DNAH7: variants seen among roughly 807,000 people sequenced by gnomAD.
DNAH7 encodes dynein axonemal heavy chain 7, also known as axonemal beta dynein heavy chain 7.
Under a neutral mutation model 444.6 loss-of-function variants are expected in DNAH7, and 397 were observed. That is an observed-to-expected ratio of 0.89 (90% confidence interval 0.82 to 0.97). The LOEUF (loss-of-function observed/expected upper bound fraction) is 0.97. DNAH7 is among the 50% of genes least tolerant of loss of function. DNAH7 has a pLI of 0.00. For synonymous variants in DNAH7, 1,636 were observed against 1,624.4 expected (o/e 1.01, Z -0.17); for missense variants, 4,902 against 4,800.8 (o/e 1.02, Z -0.62).
Position 195,864,713 on chromosome 2 carries a change from G to C in DNAH7, c.6942C>G (p.Val2314=), listed in dbSNP as rs747819335. The change falls in exon 41 of 65, where the codon GTC becomes GTG. Residue 2314 remains valine (V), a synonymous_variant. Transcript: ENST00000312428. The part of the protein sequence containing the change: ...NNISKKPMNL[V]LFRFAIEHIS... ...TGTGCTCTATGGCAAATCGAAACAA[G>C]ACAAGGTTCATGGGTTTTTTGCTTA... 3.1e-6 allele frequency: 5 copies of C among 1,614,066 alleles called. No homozygotes were observed. The highest frequency in any genetic ancestry group is 2.5e-6 in the Non-Finnish European group (3 of 1,180,032).
At chr2:195,762,313 G>C (rs1397464605) in intron 61 of DNAH7, among the ~76,000 whole-genome samples, 1 of 152,102 alleles carries the variant, frequency 6.6e-6, no homozygotes, top group East Asian at 1.9e-4. Flanking sequence ...TTCATTAAGA[G>C]GAGAGGAAGG....
chr2:195,995,512 T>A, intron 12 of DNAH7: 1 of 310,304 alleles, frequency 3.2e-6, no homozygotes, highest in Non-Finnish European at 6.4e-6. Flanking sequence ...TGTGAGCGCC[T>A]TTCCTAGCTC....
At chr2:195,873,746 TATTTTCTCA>T in intron 38 of DNAH7, 52 bp from the exon 39 acceptor site, 1 of 1,318,448 alleles carries the variant, frequency 7.6e-7, no homozygotes, top group Non-Finnish European at 1.0e-6. Context: ...TATACAAGAG[TATTTTCTCA>T]AATATTCTAT....
intron 45 of DNAH7, among the ~76,000 whole-genome samples, chr2:195,854,270 A>G (rs1699567462): frequency 6.6e-6 from 1 of 152,210 alleles, no homozygotes; most frequent in Non-Finnish European, 1.5e-5. Context: ...AGAAGATGAG[A>G]TTAAATAAAG....
At chr2:196,060,752 G>A (rs1698090530) in intron 1 of DNAH7, among the ~76,000 whole-genome samples, 1 of 152,078 alleles carries the variant, frequency 6.6e-6, no homozygotes, top group Admixed American at 6.6e-5. Context: ...CAAGAGCTCT[G>A]ATTACCTCCA....
chr2:195,995,375 G>T, intron 12 of DNAH7: 1 of 517,368 alleles, frequency 1.9e-6, no homozygotes, highest in South Asian at 1.4e-5. Flanking sequence ...ACTTCTTGGT[G>T]AGCACACCAA....
At chr2:196,014,211 A>G (rs985889650) in intron 9 of DNAH7, among the ~76,000 whole-genome samples, 3 of 152,198 alleles carry the variant, frequency 2.0e-5, no homozygotes, top group Non-Finnish European at 2.9e-5. Context: ...CAGTGAAACA[A>G]TAGTTTAAAT....
intron 40 of DNAH7, among the ~76,000 whole-genome samples, chr2:195,865,225 A>T (rs1016785631): frequency 1.3e-5 from 2 of 152,212 alleles, no homozygotes; most frequent in Non-Finnish European, 2.9e-5. Flanking sequence ...TAATAAGGTT[A>T]TAGTCAGTTA....
At chr2:196,050,333 A>G (rs1205546008) in intron 3 of DNAH7, among the ~76,000 whole-genome samples, 3 of 151,688 alleles carry the variant, frequency 2.0e-5, no homozygotes, top group Non-Finnish European at 2.9e-5. Flanking sequence ...GTTTGCCAGG[A>G]GGTGGGGGAG....
Position 195,888,358 on chromosome 2 carries a change from A to C in DNAH7, c.5306T>G (p.Leu1769Arg). Reference protein sequence around the residue: ...WRPLMLSWVNLLPASVSVIQK... With the variant: ...WRPLMLSWVNRLPASVSVIQK... Reference sequence around the variant, plus strand: ...AATAACACTGACTGACGCAGGTAACAGATTCACCCAGGACAACATCAGTGG... The same window carrying C: ...AATAACACTGACTGACGCAGGTAACCGATTCACCCAGGACAACATCAGTGG... The change falls in exon 33 of 65, where the codon CTG becomes CGG. Residue 1769 changes from leucine to arginine, a missense_variant. Leu to Arg is a moderately radical substitution (Grantham distance 102). Coordinates refer to ENST00000312428, the MANE Select transcript of DNAH7 (RefSeq NM_018897.3). The C allele has an allele frequency of 6.2e-7, 1 of 1,610,020 alleles. No individual in the cohort carries two copies. Among genetic ancestry groups the C allele is most frequent in the Non-Finnish European group, 8.5e-7 (1 of 1,178,770 alleles).
At chr2:195,873,524 T>G (rs1700840915) in intron 39 of DNAH7, 44 bp downstream of exon 39, 2 of 1,142,838 alleles carry the variant, frequency 1.8e-6, no homozygotes, top group Non-Finnish European at 1.2e-6. Flanking sequence ...TCTAAAATAT[T>G]TTATACCTCC....
intron 48 of DNAH7, among the ~76,000 whole-genome samples, chr2:195,831,179 TATG>T (rs1280188039): frequency 6.6e-6 from 1 of 152,230 alleles, no homozygotes; most frequent in Non-Finnish European, 1.5e-5. Context: ...GCAATATTTG[TATG>T]ATTAGTATTT....
At chr2:195,930,438 C>T (rs1372775332) in intron 21 of DNAH7, among the ~76,000 whole-genome samples, 1 of 152,156 alleles carries the variant, frequency 6.6e-6, no homozygotes, top group Non-Finnish European at 1.5e-5. Flanking sequence ...CTCCACATCA[C>T]TAACCATCAG....
At position 195,777,802 on chromosome 2, in the gene DNAH7, C is replaced by T. The variant is rs886159159; in HGVS notation, c.11062G>A (p.Asp3688Asn). The T allele has an allele frequency of 4.3e-6, 7 of 1,609,326 alleles. No individual in the cohort carries two copies. The African/African-American group carries it at 9.4e-5, about 22-fold the overall frequency. The change falls in exon 59 of 65, where the codon GAT becomes AAT. Residue 3688 changes from aspartate to asparagine, a missense_variant and splice_region_variant. Transcript: ENST00000312428. ...GTTTTTTTGAAGGGCATACTTACAT[C>T]ACCAGAAGGAGGAACAAAATAGATG... ...SGIYFVPPSG[D>N]HKSYIEYTKT...
intron 12 of DNAH7, among the ~76,000 whole-genome samples, chr2:195,996,674 C>A (rs1693716879): frequency 6.6e-6 from 1 of 152,136 alleles, no homozygotes; most frequent in African/African-American, 2.4e-5. Flanking sequence ...TATCCACCCG[C>A]CTCGCCCTCC....
intron 40 of DNAH7, among the ~76,000 whole-genome samples, chr2:195,868,497 T>A (rs1365709413): frequency 6.6e-6 from 1 of 151,772 alleles, no homozygotes; most frequent in South Asian, 2.1e-4. Flanking sequence ...CATTTGTATA[T>A]CATCTTTGGA....
At chr2:195,945,651 C>G (rs1053044522) in intron 19 of DNAH7, among the ~76,000 whole-genome samples, 4 of 152,052 alleles carry the variant, frequency 2.6e-5, no homozygotes, top group Non-Finnish European at 4.4e-5. Context: ...AGGTGAAATG[C>G]TTGTTGCCAA....
At chr2:195,993,584 T>C (rs946882461) in intron 12 of DNAH7, among the ~76,000 whole-genome samples, 1 of 152,234 alleles carries the variant, frequency 6.6e-6, no homozygotes, top group Non-Finnish European at 1.5e-5. Context: ...ACTAGTCTTC[T>C]GTAACTGCAA....
At position 195,894,868 on chromosome 2, in the gene DNAH7, T is replaced by C. The variant is rs543162237; in HGVS notation, c.4896+108A>G. 80 of 1,109,028 alleles carry C rather than the reference T, an allele frequency of 7.2e-5. No homozygotes were observed. In the South Asian group the frequency reaches 2.0e-3, roughly 27 times the overall value. The allele number at this position is 1,109,028 out of a possible 1,614,324, so 68.7% of individuals were successfully genotyped here. On this transcript the variant is annotated intron_variant, in intron 30 of 64. Transcript: ENST00000312428. ...CTTTATTTTCTCTTTGACTCATTTT[T>C]CTCATGATTTTAAGTTGCCACATTG...
Sources: allele counts gnomAD v4.1 joint callset (sites outside exome capture counted in the v4.1 genomes callset), GRCh38; gene constraint gnomAD v4.1.1; transcripts MANE v1.5; gene names NCBI Gene and HGNC (gene_info 2026-07-23, HGNC 2026-07-21).